AGGF1: variants seen among roughly 807,000 people sequenced by gnomAD.
AGGF1 encodes angiogenic factor with G patch and FHA domains 1.
A neutral mutation model predicts 86.5 loss-of-function variants in AGGF1; 56 were observed. That is an observed-to-expected ratio of 0.65 (90% CI 0.52 to 0.81). The LOEUF (loss-of-function observed/expected upper bound fraction) is 0.81. Among genes scored for constraint, AGGF1 ranks in the 30% least tolerant of loss-of-function variants. AGGF1 has a pLI of 0.00. For synonymous variants in AGGF1, 313 were observed against 297.1 expected (o/e 1.05, Z -0.55); for missense variants, 816 against 850.9 (o/e 0.96, Z 0.51).
At chr5:77,042,910 C>T (rs1327665724) in intron 5 of AGGF1, among the ~76,000 whole-genome samples, 1 of 44,000 alleles carries the variant, frequency 2.3e-5, no homozygotes, top group African/African-American at 7.4e-5. Context: ...GGCGGGGGGC[C>T]GACACCCCCA....
At chr5:77,037,241 T>A (rs369337049) in intron 4 of AGGF1, among the ~76,000 whole-genome samples, 2 of 152,208 alleles carry the variant, frequency 1.3e-5, no homozygotes, top group South Asian at 2.1e-4. Flanking sequence ...GAGCTTTTGT[T>A]AATAAAAGCA....
At position 77,039,643 on chromosome 5, in the gene AGGF1, G is replaced by A; in HGVS notation, c.794G>A (p.Ser265Asn). The A allele has an allele frequency of 6.2e-7, 1 of 1,612,882 alleles. No individual in the cohort carries two copies. Among genetic ancestry groups the A allele is most frequent in the Non-Finnish European group, 8.5e-7 (1 of 1,179,528 alleles). The stretch of plus-strand genomic sequence containing the variant: ...GATTTGCAACCTTATCCGACTTCTA[G>A]CACAAAACAAAGTAAAGATAAAAAA... ...RVDLQPYPTS[S>N]TKQSKDKKLK... Residue 265 changes from serine (S) to asparagine (N), a missense_variant, in exon 5 of 14, where the codon AGC becomes AAC. Ser to Asn is a conservative substitution (Grantham distance 46, BLOSUM62 1). Around this residue, in one of 3 missense-constraint regions of AGGF1, gnomAD observed 565 missense variants for 585.8 expected, o/e 0.96. Transcript: ENST00000312916.
intron 1 of AGGF1, 40 bp from the exon 2 acceptor site, chr5:77,034,378 T>C (rs757058655): frequency 8.1e-7 from 1 of 1,232,358 alleles, no homozygotes; most frequent in Non-Finnish European, 1.2e-6. Context: ...TATTAGATTG[T>C]TACATGATTT....
In AGGF1 at chr5:77,059,707, C is replaced by G; in HGVS notation, c.1808C>G (p.Thr603Ser). Residue 603 changes from threonine (T) to serine (S), a missense_variant, in exon 12 of 14, where the codon ACT becomes AGT. Physicochemically the swap from Thr to Ser is moderately conservative, Grantham distance 58. This residue lies in a region of AGGF1 where 565 missense variants were observed against 585.8 expected (regional missense o/e 0.96). Coordinates refer to ENST00000312916, the MANE Select transcript of AGGF1 (RefSeq NM_018046.5). The stretch of plus-strand genomic sequence containing the variant: ...AGGGAGCAGGTTGGAAGTGAAGGAA[C>G]TTTCCAAAGAGATGATGCTCCTGCA... ...KRREQVGSEG[T>S]FQRDDAPASV... The G allele has an allele frequency of 6.2e-7, 1 of 1,613,838 alleles. No individual in the cohort carries two copies.
Position 77,046,350 on chromosome 5 carries a change from T to A in AGGF1, c.874T>A (p.Leu292Met). The A allele has an allele frequency of 6.2e-7, 1 of 1,613,268 alleles. No individual in the cohort carries two copies. The highest frequency in any genetic ancestry group is 1.7e-4 in the Middle Eastern group (1 of 6,028). Reference protein sequence around the residue: ...DSSATNEEKDLNSEDQKAFSV... With the variant: ...DSSATNEEKDMNSEDQKAFSV... ...GTATCTACCCACCCTTCTCCAGGAT[T>A]TGAACTCAGAGGATCAAAAAGCCTT... Residue 292 changes from leucine to methionine, a missense_variant, in exon 6 of 14, where the codon TTG becomes ATG. Around this residue, in one of 3 missense-constraint regions of AGGF1, gnomAD observed 565 missense variants for 585.8 expected, o/e 0.96. Transcript: ENST00000312916.
In AGGF1 at chr5:77,046,452, C is replaced by T; in HGVS notation, c.976C>T (p.His326Tyr). 1 of 1,613,972 alleles carries T rather than the reference C, an allele frequency of 6.2e-7. No individual in the cohort carries two copies. The highest frequency in any genetic ancestry group is 8.5e-7 in the Non-Finnish European group (1 of 1,179,958). The change falls in exon 6 of 14, where the codon CAC becomes TAC. Residue 326 changes from histidine to tyrosine, a missense_variant. By Grantham distance (83) the His-to-Tyr change is moderately conservative. Around this residue, in one of 3 missense-constraint regions of AGGF1, gnomAD observed 565 missense variants for 585.8 expected, o/e 0.96. Transcript: ENST00000312916. ...MKKKAKIGIH[H>Y]KNSPPKVTVP... ...AAAGAAGGCCAAAATAGGCATTCAT[C>T]ACAAAAATAGTCCCCCCAAAGTCAC...
In AGGF1 at chr5:77,063,156, C is replaced by G; in HGVS notation, c.2049C>G (p.Asp683Glu). ...AAAACAAGAACAAAAAAAACTGGGA[C>G]AAAGCACGAGAGCGGTTTACTGAAA... Reference protein sequence around the residue: ...LLQNKNKKNWDKARERFTENF... With the variant: ...LLQNKNKKNWEKARERFTENF... The change falls in exon 14 of 14, where the codon GAC (aspartate) becomes GAG (glutamate). Residue 683 changes from aspartate to glutamate, a missense_variant. This residue lies in a region of AGGF1 where 565 missense variants were observed against 585.8 expected (regional missense o/e 0.96). Transcript: ENST00000312916. 6.2e-7 allele frequency: 1 copy of G among 1,613,902 alleles called. No homozygotes were observed.
chr5:77,041,788 TATTTATTTATTTATTTA>T (rs1747088778), intron 5 of AGGF1, among the ~76,000 whole-genome samples: 1 of 130,054 alleles, frequency 7.7e-6, no homozygotes, highest in Non-Finnish European at 1.6e-5. Context: ...GAACTTTTTT[TATTTATTTATTTATTTA>T]TTTATTTATT....
At chr5:77,052,870 C>G (rs1747399213) in intron 9 of AGGF1, 63 bp downstream of exon 9, 1 of 1,291,240 alleles carries the variant, frequency 7.7e-7, no homozygotes, top group Non-Finnish European at 1.1e-6. Context: ...TTTTTTATTT[C>G]TGAAGGGCAT....
At chr5:77,041,533 C>G (rs1747079376) in intron 5 of AGGF1, among the ~76,000 whole-genome samples, 1 of 142,172 alleles carries the variant, frequency 7.0e-6, no homozygotes, top group Admixed American at 7.5e-5. Flanking sequence ...CACCACCACA[C>G]TGCAGCCTGG....
Position 77,039,799 on chromosome 5 carries a change from A to G in AGGF1, c.870+80A>G, listed in dbSNP as rs1255346529. On this transcript the variant is annotated intron_variant, in intron 5 of 13. Coordinates refer to ENST00000312916, the MANE Select transcript of AGGF1 (RefSeq NM_018046.5). ...GACAAAATTTTTTATGAAACTGACA[A>G]TCATTCAATAACTCTGCATTTCAAA... The G allele has an allele frequency of 6.3e-5, 76 of 1,210,200 alleles. 2 individuals are homozygous for G. Among genetic ancestry groups the G allele is most frequent in the Non-Finnish European group, 7.6e-5 (64 of 841,606 alleles). 75.0% of individuals were successfully genotyped at this position (1,210,200 alleles called of 1,614,324 possible).
At chr5:77,056,257 C>G (rs1418003713) in intron 11 of AGGF1, among the ~76,000 whole-genome samples, 1 of 110,930 alleles carries the variant, frequency 9.0e-6, no homozygotes, top group Non-Finnish European at 1.7e-5. Flanking sequence ...GAGACAGAGT[C>G]TTACTCTGTC....
rs565091371 is a variant in AGGF1 at position 77,031,881 on chromosome 5, G to C, written c.210+905G>C. Among the ~76,000 whole-genome samples, 17 of 152,240 alleles carry C rather than the reference G, an allele frequency of 1.1e-4. No homozygotes were observed. In the East Asian group the frequency reaches 3.3e-3, roughly 29 times the overall value. ...ATCGTGCCACTGCACTCCAGCCAGG[G>C]CGACAGAGTGCAACTCTGTCTCAAA... is the stretch of plus-strand genomic sequence containing the variant. On this transcript the variant is annotated intron_variant, in intron 1 of 13. Coordinates refer to ENST00000312916, the MANE Select transcript of AGGF1 (RefSeq NM_018046.5).
At chr5:77,058,387 CAAG>C (rs1480923912) in intron 11 of AGGF1, among the ~76,000 whole-genome samples, 1 of 152,048 alleles carries the variant, frequency 6.6e-6, no homozygotes, top group African/African-American at 2.4e-5. Flanking sequence ...TTTTATACTT[CAAG>C]AAGATGTGGA....
At chr5:77,050,836 CAG>C (rs1231913477) in intron 8 of AGGF1, among the ~76,000 whole-genome samples, 1 of 152,002 alleles carries the variant, frequency 6.6e-6, no homozygotes, top group African/African-American at 2.4e-5. Flanking sequence ...ACTGTGACAC[CAG>C]TAGATAAATG....
At chr5:77,033,700 T>G (rs1746912230) in intron 1 of AGGF1, among the ~76,000 whole-genome samples, 1 of 152,190 alleles carries the variant, frequency 6.6e-6, no homozygotes, top group African/African-American at 2.4e-5. Context: ...ATTTAAAAGC[T>G]TGTTTTTTAG....
chr5:77,062,014 T>C (rs140990918), intron 13 of AGGF1, among the ~76,000 whole-genome samples: 2 of 152,216 alleles, frequency 1.3e-5, no homozygotes, highest in African/African-American at 2.4e-5. Context: ...TGAGTTTTTT[T>C]CCCTACATTA....
chr5:77,031,060 G>C, intron 1 of AGGF1, 84 bp downstream of exon 1: 1 of 1,451,926 alleles, frequency 6.9e-7, no homozygotes, highest in East Asian at 2.3e-5. Context: ...GGGGTCCCTG[G>C]CAGGGGCTCA....
At chr5:77,032,869 T>G (rs1746896706) in intron 1 of AGGF1, among the ~76,000 whole-genome samples, 1 of 152,130 alleles carries the variant, frequency 6.6e-6, no homozygotes, top group Non-Finnish European at 1.5e-5. Flanking sequence ...ATTAGAAAAT[T>G]TAAGAGCTAT....
Sources: gnomAD v4.1 joint callset for allele counts (sites outside exome capture counted in the v4.1 genomes callset) on GRCh38, gnomAD v4.1.1 for gene constraint, gnomAD v4.1.1 regional missense constraint, MANE v1.5 for transcripts, NCBI Gene and HGNC (gene_info 2026-07-23, HGNC 2026-07-21) for gene names.